CREBBP: variants seen among roughly 807,000 people sequenced by gnomAD.
CREBBP encodes CREB binding lysine acetyltransferase, also known as CREB-binding protein.
CREBBP carries 19 observed loss-of-function variants against 265.0 expected under a neutral mutation model. The ratio of observed to expected loss-of-function variants is 0.07; its 90% CI spans 0.05 to 0.11. The LOEUF (loss-of-function observed/expected upper bound fraction) is 0.11, where lower values mean the gene tolerates loss of function less well. Ranked by LOEUF, CREBBP falls within the 10% of genes least tolerant of loss-of-function variation. CREBBP has a pLI of 1.00. For missense variants in CREBBP, 2,525 were observed against 3,219.0 expected (o/e 0.78, Z 5.22); for synonymous variants, 1,457 against 1,223.7 (o/e 1.19, Z -3.98).
chr16:3,824,952 T>C (rs2054209684), intron 2 of CREBBP, among the ~76,000 whole-genome samples: 1 of 152,180 alleles, frequency 6.6e-6, no homozygotes, highest in African/African-American at 2.4e-5. Flanking sequence ...GTTTCTGGTT[T>C]AAATGGGATA....
At chr16:3,814,919 T>C (rs1405343724) in intron 2 of CREBBP, among the ~76,000 whole-genome samples, 1 of 152,190 alleles carries the variant, frequency 6.6e-6, no homozygotes, top group African/African-American at 2.4e-5. Context: ...ATAACCAGGC[T>C]AAAGAGGTCA....
At chr16:3,762,498 C>T (rs765714146) in intron 16 of CREBBP, among the ~76,000 whole-genome samples, 16 of 150,800 alleles carry the variant, frequency 1.1e-4, no homozygotes, top group African/African-American at 1.7e-4. Flanking sequence ...CATTTTCAGA[C>T]TCCTGTCTTC....
intron 1 of CREBBP, among the ~76,000 whole-genome samples, chr16:3,876,042 T>C (rs2055392592): frequency 6.6e-6 from 1 of 152,056 alleles, no homozygotes; most frequent in Admixed American, 6.6e-5. Flanking sequence ...AGTTTTTCTT[T>C]TCCTTTTTCC....
intron 1 of CREBBP, among the ~76,000 whole-genome samples, chr16:3,862,704 G>A (rs1384356175): frequency 6.6e-6 from 1 of 152,096 alleles, no homozygotes; most frequent in Non-Finnish European, 1.5e-5. Context: ...CCTTCCCACT[G>A]TATCGAATTC....
intron 2 of CREBBP, among the ~76,000 whole-genome samples, chr16:3,828,289 T>C (rs958709023): frequency 6.6e-6 from 1 of 152,138 alleles, no homozygotes; most frequent in Non-Finnish European, 1.5e-5. Flanking sequence ...ATGAGGTTTC[T>C]CCATGTTGGT....
intron 13 of CREBBP, chr16:3,773,495 A>G (rs2053063323): frequency 1.9e-6 from 1 of 514,970 alleles, no homozygotes; most frequent in Non-Finnish European, 3.4e-6. Context: ...AGATCAAAAC[A>G]CAAAAGCATA....
At chr16:3,732,038 A>C in intron 28 of CREBBP, 101 bp from the exon 29 acceptor site, 1 of 1,605,260 alleles carries the variant, frequency 6.2e-7, no homozygotes, top group Non-Finnish European at 8.5e-7. Flanking sequence ...CTCAGGCCAA[A>C]GTAGGTCACC....
intron 2 of CREBBP, among the ~76,000 whole-genome samples, chr16:3,839,591 A>C (rs1462039757): frequency 6.6e-6 from 1 of 151,814 alleles, no homozygotes; most frequent in East Asian, 1.9e-4. Flanking sequence ...CTGAGGCAGG[A>C]AAATTGCTGG....
In CREBBP at chr16:3,758,610, C is replaced by G. The variant is rs112293292; in HGVS notation, c.3369+244G>C. On this transcript the variant is annotated intron_variant, in intron 17 of 30. Transcript: ENST00000262367. ...CAAGGCCCCAAATATAAAGTGAAGT[C>G]TCAGGGGCATGTGCTTCCCTTGCTT... Among the ~76,000 whole-genome samples the G allele has an allele frequency of 8.4e-3, 1,286 of 152,296 alleles. 17 individuals are homozygous for G. The highest frequency in any genetic ancestry group is 0.028 in the African/African-American group (1,170 of 41,552).
chr16:3,734,518 C>T lies in CREBBP; in HGVS notation c.4728+1518G>A, dbSNP rs374925334. 1.9e-3 allele frequency among the ~76,000 whole-genome samples: 282 copies of T among 152,290 alleles called. 1 individual carries two copies. The highest frequency in any genetic ancestry group is 6.5e-3 in the African/African-American group (271 of 41,556). On this transcript the variant is annotated intron_variant, in intron 28 of 30. Transcript: ENST00000262367. ...CCCCTCCTGGGGTGGAACTCAGCTG[C>T]GCAAAGCCTGTCTCGGACGCGGTAA...
chr16:3,820,930 A>G (rs1169686242), intron 2 of CREBBP, among the ~76,000 whole-genome samples: 4 of 152,072 alleles, frequency 2.6e-5, no homozygotes, highest in African/African-American at 9.7e-5. Flanking sequence ...AACTTCTAGC[A>G]GTGAAACCGG....
intron 19 of CREBBP, among the ~76,000 whole-genome samples, chr16:3,754,941 G>C (rs1489626386): frequency 6.6e-6 from 1 of 152,132 alleles, no homozygotes; most frequent in Non-Finnish European, 1.5e-5. Flanking sequence ...ATTTGTTACA[G>C]AATCAGGCCA....
At chr16:3,760,301 A>C (rs1205694289) in intron 16 of CREBBP, among the ~76,000 whole-genome samples, 5 of 150,838 alleles carry the variant, frequency 3.3e-5, no homozygotes, top group Non-Finnish European at 7.4e-5. Flanking sequence ...TATGTTGTCC[A>C]AGCTGGTCTC....
At chr16:3,845,342 G>T (rs962115090) in intron 2 of CREBBP, among the ~76,000 whole-genome samples, 3 of 152,164 alleles carry the variant, frequency 2.0e-5, no homozygotes, top group African/African-American at 7.2e-5. Context: ...ACACAGCTAG[G>T]TTAATAGGTT....
At chr16:3,822,279 A>C (rs774799920) in intron 2 of CREBBP, among the ~76,000 whole-genome samples, 11 of 152,272 alleles carry the variant, frequency 7.2e-5, no homozygotes, top group African/African-American at 9.6e-5. Flanking sequence ...ACGCACAGTA[A>C]AGGAGGCGGC....
chr16:3,805,764 A>C (rs916002230), intron 3 of CREBBP, among the ~76,000 whole-genome samples: 1 of 152,254 alleles, frequency 6.6e-6, no homozygotes, highest in Non-Finnish European at 1.5e-5. Flanking sequence ...ACAGCTGGTC[A>C]CAATGCCAAT....
chr16:3,872,945 G>C (rs1025929046), intron 1 of CREBBP, among the ~76,000 whole-genome samples: 1 of 152,202 alleles, frequency 6.6e-6, no homozygotes, highest in Non-Finnish European at 1.5e-5. Context: ...CTGCACACGG[G>C]GACACTCAGG....
chr16:3,812,791 A>G (rs130047), intron 2 of CREBBP: 3,596 of 179,260 alleles, frequency 0.02, 134 homozygotes, highest in African/African-American at 0.079. Context: ...CAAAGCTCTA[A>G]TATTCCACCT....
At chr16:3,810,828 A>T in intron 2 of CREBBP, 49 bp from the exon 3 acceptor site, 1 of 1,584,564 alleles carries the variant, frequency 6.3e-7, no homozygotes, top group Non-Finnish European at 8.7e-7. Flanking sequence ...AGTCAATATA[A>T]AAGGAAGGGC....
Sources: gnomAD v4.1 joint callset for allele counts (sites outside exome capture counted in the v4.1 genomes callset) on GRCh38, gnomAD v4.1.1 for gene constraint, MANE v1.5 for transcripts, NCBI Gene and HGNC (gene_info 2026-07-23, HGNC 2026-07-21) for gene names.